The following PCDH15 variants were observed in gnomAD, a reference collection of about 807,000 sequenced individuals.
PCDH15 encodes the protein protocadherin-15.
PCDH15 carries 129 observed loss-of-function variants against 178.5 expected under a neutral mutation model. The ratio of observed to expected loss-of-function variants is 0.72; its 90% CI spans 0.63 to 0.84. The LOEUF (loss-of-function observed/expected upper bound fraction) is 0.84, where lower values mean the gene tolerates loss of function less well. Among genes scored for constraint, PCDH15 ranks in the 40% least tolerant of loss-of-function variants. The probability of loss-of-function intolerance (pLI) is 0.00; values close to 1 mark genes in which losing one functional copy is unlikely to be tolerated. For synonymous variants in PCDH15, 800 were observed against 732.0 expected (o/e 1.09, Z -1.50); for missense variants, 2,230 against 2,099.9 (o/e 1.06, Z -1.21).
chr10:54,720,518 C>CA (rs34014038), intron 1 of PCDH15, among the ~76,000 whole-genome samples: 71,891 of 149,426 alleles, frequency 0.48, 17,740 homozygotes, highest in Middle Eastern at 0.55. Context: ...TAGTCTCTTC[C>CA]AAAAAAAAAT....
At chr10:55,293,288 G>C (rs1434514908) in intron 1 of PCDH15, among the ~76,000 whole-genome samples, 1 of 151,646 alleles carries the variant, frequency 6.6e-6, no homozygotes, top group African/African-American at 2.4e-5. Context: ...AAAGATGCTG[G>C]GCCTGGCTTA....
chr10:53,918,630 A>AG (rs2083728254), intron 25 of PCDH15, among the ~76,000 whole-genome samples: 1 of 152,154 alleles, frequency 6.6e-6, no homozygotes, highest in Non-Finnish European at 1.5e-5. Context: ...TTGAAGGAAG[A>AG]GAAAAAAATG....
At chr10:54,128,668 A>G (rs886124496) in intron 15 of PCDH15, among the ~76,000 whole-genome samples, 2 of 152,084 alleles carry the variant, frequency 1.3e-5, no homozygotes, top group African/African-American at 4.8e-5. Context: ...TCTTACTTGG[A>G]TTTTTTGGAG....
intron 2 of PCDH15, among the ~76,000 whole-genome samples, chr10:54,973,263 G>C (rs1487723742): frequency 6.6e-5 from 10 of 152,178 alleles, no homozygotes; most frequent in Admixed American, 6.5e-4. Flanking sequence ...TGCAGATCAA[G>C]TGTATATGTT....
At chr10:54,400,849 G>C (rs1951841622) in intron 3 of PCDH15, among the ~76,000 whole-genome samples, 1 of 151,802 alleles carries the variant, frequency 6.6e-6, no homozygotes, top group East Asian at 1.9e-4. Context: ...AGGGAGAGGA[G>C]AGAGAAAGAG....
intron 19 of PCDH15, among the ~76,000 whole-genome samples, 196 bp downstream of exon 19, chr10:54,022,696 G>A (rs2092961133): frequency 6.6e-6 from 1 of 151,876 alleles, no homozygotes; most frequent in Non-Finnish European, 1.5e-5. Context: ...TAATTTTTGG[G>A]ATATCTTTAA....
At chr10:54,016,161 GA>G (rs1161013453) in intron 20 of PCDH15, among the ~76,000 whole-genome samples, 2 of 151,502 alleles carry the variant, frequency 1.3e-5, no homozygotes, top group African/African-American at 4.9e-5. Context: ...ACAAGGATAT[GA>G]AAAAATGCTC....
At chr10:55,125,225 C>T (rs1167598895) in intron 2 of PCDH15, among the ~76,000 whole-genome samples, 2 of 147,288 alleles carry the variant, frequency 1.4e-5, no homozygotes, top group Non-Finnish European at 3.0e-5. Context: ...TTAGGCAAGG[C>T]ATGGAGAAAT....
intron 18 of PCDH15, among the ~76,000 whole-genome samples, chr10:54,044,723 A>G (rs534668536): frequency 2.1e-4 from 32 of 152,312 alleles, no homozygotes; most frequent in African/African-American, 7.2e-4. Context: ...CCCAAAGCAA[A>G]TACAGAAAGG....
chr10:54,627,471 A>G (rs968310358), intron 2 of PCDH15, among the ~76,000 whole-genome samples: 4 of 152,122 alleles, frequency 2.6e-5, no homozygotes, highest in African/African-American at 9.7e-5. Flanking sequence ...GTTTGCCTGC[A>G]CAAACTCTCT....
intron 2 of PCDH15, among the ~76,000 whole-genome samples, chr10:54,930,692 A>AATGTTTACAT (rs1837751046): frequency 6.6e-6 from 1 of 152,168 alleles, no homozygotes; most frequent in African/African-American, 2.4e-5. Context: ...TATATTATAT[A>AATGTTTACAT]ATGTTTACAT....
chr10:55,518,388 C>T (rs1032567578), intron 2 of PCDH15, among the ~76,000 whole-genome samples: 2 of 152,114 alleles, frequency 1.3e-5, no homozygotes, highest in African/African-American at 2.4e-5. Flanking sequence ...AGCAGGAGCA[C>T]TGTCATCTCA....
chr10:55,372,956 T>A (rs1845542557), intron 2 of PCDH15, among the ~76,000 whole-genome samples: 1 of 152,130 alleles, frequency 6.6e-6, no homozygotes, highest in Non-Finnish European at 1.5e-5. Context: ...GCTAATTTAA[T>A]ACACCATGAT....
chr10:55,084,713 C>G (rs979304098), intron 2 of PCDH15, among the ~76,000 whole-genome samples: 1 of 151,712 alleles, frequency 6.6e-6, no homozygotes. Flanking sequence ...ATAAGGAGCT[C>G]AAACAATTAT....
chr10:54,048,335 T>A (rs1396127179), intron 18 of PCDH15, among the ~76,000 whole-genome samples: 1 of 152,170 alleles, frequency 6.6e-6, no homozygotes, highest in Non-Finnish European at 1.5e-5. Context: ...TAGCAAATAT[T>A]TTCTCCCATT....
intron 1 of PCDH15, among the ~76,000 whole-genome samples, chr10:54,665,097 C>G (rs1440944396): frequency 1.3e-5 from 2 of 151,760 alleles, no homozygotes; most frequent in African/African-American, 4.8e-5. Flanking sequence ...CACTGTTTCT[C>G]TAATTCAGAG....
At chr10:54,706,594 A>T (rs535548902) in intron 1 of PCDH15, among the ~76,000 whole-genome samples, 1 of 152,290 alleles carries the variant, frequency 6.6e-6, no homozygotes, top group African/African-American at 2.4e-5. Context: ...TTGAAGACTT[A>T]ACCACAGGAA....
intron 10 of PCDH15, among the ~76,000 whole-genome samples, chr10:54,202,176 T>C (rs1020204): frequency 0.92 from 140,275 of 152,200 alleles, 64,759 homozygotes; most frequent in East Asian, 0.98. Context: ...AGCATGATTT[T>C]GACTGTGTGT....
chr10:55,273,190 T>A (rs914208752), intron 1 of PCDH15, among the ~76,000 whole-genome samples: 1 of 152,168 alleles, frequency 6.6e-6, no homozygotes, highest in Non-Finnish European at 1.5e-5. Context: ...TCTCATTTTA[T>A]AATTAGAAAA....
Sources: allele counts gnomAD v4.1 joint callset (sites outside exome capture counted in the v4.1 genomes callset), GRCh38; gene constraint gnomAD v4.1.1; transcripts MANE v1.5; gene names NCBI Gene and HGNC (gene_info 2026-07-23, HGNC 2026-07-21).